The following CHCHD3 variants were observed in gnomAD, a reference collection of about 807,000 sequenced individuals.
CHCHD3 encodes the protein MICOS complex subunit MIC19.
In CHCHD3, 20 loss-of-function variants were observed where a neutral mutation model predicts 38.2. That is an observed-to-expected ratio of 0.52 (90% CI 0.37 to 0.76). CHCHD3 has a LOEUF of 0.76. Ranked by LOEUF, CHCHD3 falls within the 30% of genes least tolerant of loss-of-function variation. CHCHD3 has a pLI of 0.00. For missense variants in CHCHD3, 245 were observed against 279.2 expected, an observed-to-expected ratio of 0.88 and a Z score of 0.87; for synonymous variants, 82 against 100.0, an observed-to-expected ratio of 0.82 and a Z score of 1.07.
At chr7:133,078,454 T>C (rs1584692020) in intron 1 of CHCHD3, among the ~76,000 whole-genome samples, 1 of 152,186 alleles carries the variant, frequency 6.6e-6, no homozygotes, top group Non-Finnish European at 1.5e-5. Context: ...GGAGGATAGC[T>C]TGAGCCCAGG....
At chr7:133,015,714 C>A (rs989681390) in intron 3 of CHCHD3, among the ~76,000 whole-genome samples, 1 of 152,200 alleles carries the variant, frequency 6.6e-6, no homozygotes, top group East Asian at 1.9e-4. Flanking sequence ...CCGAGCCCCA[C>A]CACTTACTTG....
intron 4 of CHCHD3, among the ~76,000 whole-genome samples, chr7:132,899,379 T>TGCA (rs1366758606): frequency 6.6e-6 from 1 of 152,118 alleles, no homozygotes; most frequent in African/African-American, 2.4e-5. Flanking sequence ...ATCCCAAAGG[T>TGCA]GCAGCAGCTC....
intron 2 of CHCHD3, among the ~76,000 whole-genome samples, chr7:133,034,291 G>C (rs1324249890): frequency 6.6e-6 from 1 of 152,088 alleles, no homozygotes; most frequent in Non-Finnish European, 1.5e-5. Flanking sequence ...AATTCACAGA[G>C]ATTCCTTTTT....
At chr7:132,802,436 C>A (rs1806816815) in intron 6 of CHCHD3, among the ~76,000 whole-genome samples, 1 of 152,154 alleles carries the variant, frequency 6.6e-6, no homozygotes, top group Non-Finnish European at 1.5e-5. Flanking sequence ...ACTGTATGGG[C>A]TCACCCAGCA....
intron 4 of CHCHD3, among the ~76,000 whole-genome samples, chr7:132,941,239 A>T (rs767269683): frequency 6.6e-6 from 1 of 152,178 alleles, no homozygotes; most frequent in Non-Finnish European, 1.5e-5. Flanking sequence ...TTATCCTTGA[A>T]GATAATACTT....
Position 132,850,794 on chromosome 7 carries a change from ATAGT to A in CHCHD3, c.454-12329_454-12326del, listed in dbSNP as rs902227916. Among the ~76,000 whole-genome samples, 52 of 152,322 alleles carry A rather than the reference ATAGT, an allele frequency of 3.4e-4. No homozygotes were observed. The East Asian group carries it at 7.1e-3, about 21-fold the overall frequency. On this transcript the variant is annotated intron_variant, in intron 5 of 7. Transcript: ENST00000262570. ...ATAAATTTAAAAATCACATAAATACATAGTTAGTAAAGAATTACAGTGCCACTGG... is the reference window on the plus strand; with the variant it reads ...ATAAATTTAAAAATCACATAAATACATAGTAAAGAATTACAGTGCCACTGG...
At chr7:133,059,572 C>T (rs1381397431) in intron 2 of CHCHD3, among the ~76,000 whole-genome samples, 1 of 152,190 alleles carries the variant, frequency 6.6e-6, no homozygotes, top group Non-Finnish European at 1.5e-5. Flanking sequence ...TGAACCTCCA[C>T]ATCAATGTTT....
At chr7:132,889,822 A>G (rs1443958988) in intron 4 of CHCHD3, among the ~76,000 whole-genome samples, 1 of 152,214 alleles carries the variant, frequency 6.6e-6, no homozygotes, top group Non-Finnish European at 1.5e-5. Flanking sequence ...GCTGCTGAGG[A>G]TGGAGAGTCA....
intron 4 of CHCHD3, among the ~76,000 whole-genome samples, chr7:132,916,335 A>T (rs539596150): frequency 3.5e-4 from 54 of 152,192 alleles, no homozygotes; most frequent in Non-Finnish European, 6.8e-4. Context: ...ATGAAATCTT[A>T]TTGAGAAGCC....
chr7:133,004,840 T>C (rs1285230605), intron 3 of CHCHD3, among the ~76,000 whole-genome samples: 1 of 152,180 alleles, frequency 6.6e-6, no homozygotes, highest in African/African-American at 2.4e-5. Context: ...AAAAAATGTG[T>C]GTTTGGGATG....
intron 3 of CHCHD3, among the ~76,000 whole-genome samples, chr7:133,003,318 A>T (rs1171992806): frequency 1.3e-5 from 2 of 152,200 alleles, no homozygotes; most frequent in African/African-American, 4.8e-5. Flanking sequence ...CATGCTCTTA[A>T]AATAAATTGA....
At chr7:132,870,306 C>A (rs913122087) in intron 5 of CHCHD3, among the ~76,000 whole-genome samples, 4 of 147,326 alleles carry the variant, frequency 2.7e-5, no homozygotes, top group African/African-American at 7.6e-5. Flanking sequence ...ACAGAGATCA[C>A]GCCACTGTAC....
At chr7:132,800,214 T>TA (rs1031229244) in intron 6 of CHCHD3, among the ~76,000 whole-genome samples, 5 of 152,172 alleles carry the variant, frequency 3.3e-5, no homozygotes, top group African/African-American at 1.2e-4. Flanking sequence ...TTTCACTGCT[T>TA]AAAAAACATG....
intron 4 of CHCHD3, among the ~76,000 whole-genome samples, chr7:132,953,769 T>C (rs566687853): frequency 1.3e-5 from 2 of 152,308 alleles, no homozygotes; most frequent in South Asian, 2.1e-4. Context: ...ATGGCCATAC[T>C]TGAACAGACT....
chr7:132,834,617 T>C (rs1438653230), intron 6 of CHCHD3, among the ~76,000 whole-genome samples: 5 of 152,182 alleles, frequency 3.3e-5, no homozygotes, highest in African/African-American at 4.8e-5. Flanking sequence ...CACTGTAAGC[T>C]GTTAAACTCA....
chr7:133,005,422 T>A (rs1657915458), intron 3 of CHCHD3, among the ~76,000 whole-genome samples: 1 of 152,220 alleles, frequency 6.6e-6, no homozygotes, highest in South Asian at 2.1e-4. Context: ...TATTTACTTA[T>A]TTTCTCAGAA....
rs540453092 is a variant in CHCHD3, at chr7:132,788,302, TG to T, written c.661-2643del. Among the ~76,000 whole-genome samples, 1 of 152,080 alleles carries T rather than the reference TG, an allele frequency of 6.6e-6. No homozygotes were observed. Among genetic ancestry groups the T allele is most frequent in the East Asian group, 1.9e-4 (1 of 5,176 alleles). ...ATGATGCCACTTAGCCATTTGCATT[TG>T]GGGGGGTTATAGATTCACTGCTTTC... is the stretch of plus-strand genomic sequence containing the variant. On this transcript the variant is annotated intron_variant, in intron 7 of 7. Coordinates refer to ENST00000262570, the MANE Select transcript of CHCHD3 (RefSeq NM_017812.4). This position sits in a 1 kb window ranked among gnomAD's most constrained non-coding sequence, Gnocchi z 4.0.
In CHCHD3 at chr7:132,880,593, A is replaced by C. The variant is rs536591370; in HGVS notation, c.453+5069T>G. Among the ~76,000 whole-genome samples the C allele has an allele frequency of 3.3e-5, 5 of 152,238 alleles. No homozygotes were observed. In the East Asian group the frequency reaches 9.7e-4, roughly 29 times the overall value. On this transcript the variant is annotated intron_variant, in intron 5 of 7. Transcript: ENST00000262570. ...AAATCTAGGATTCATTCACTGTGCT[A>C]TTTGTAGAAAATACAGAAATATGCA...
At chr7:132,810,786 A>G (rs1349545187) in intron 6 of CHCHD3, among the ~76,000 whole-genome samples, 1 of 152,198 alleles carries the variant, frequency 6.6e-6, no homozygotes, top group African/African-American at 2.4e-5. Context: ...GTATTAATAT[A>G]TGCCATTACA....
Sources: gnomAD v4.1 joint callset for allele counts (sites outside exome capture counted in the v4.1 genomes callset) on GRCh38, gnomAD v4.1.1 for gene constraint, Gnocchi (gnomAD v3.1) non-coding constraint, MANE v1.5 for transcripts, NCBI Gene and HGNC (gene_info 2026-07-23, HGNC 2026-07-21) for gene names.